MCPH1: variants seen among roughly 807,000 people sequenced by gnomAD.
The protein encoded by MCPH1 is microcephalin.
Under a neutral mutation model 84.5 loss-of-function variants are expected in MCPH1, and 104 were observed. That is an observed-to-expected ratio of 1.23 (90% CI 1.05 to 1.45). The LOEUF (loss-of-function observed/expected upper bound fraction) is 1.45. Ranked by LOEUF, MCPH1 falls within the 40% of genes most tolerant of loss-of-function variation. MCPH1 has a pLI of 0.00. For missense variants in MCPH1, 1,498 were observed against 1,005.7 expected (o/e 1.49, Z -6.62); for synonymous variants, 514 against 366.8 (o/e 1.40, Z -4.58).
At chr8:6,432,393 C>G (rs1477277427) in intron 4 of MCPH1, among the ~76,000 whole-genome samples, 3 of 151,972 alleles carry the variant, frequency 2.0e-5, no homozygotes, top group South Asian at 2.1e-4. Flanking sequence ...TTGAATATTT[C>G]CAATCGCGAC....
rs1255248211 is a variant in MCPH1 at position 6,648,098 on chromosome 8, G to C, written c.*5049G>C. The C allele has an allele frequency of 6.6e-6, 1 of 152,134 alleles. No homozygotes were observed. Among genetic ancestry groups the C allele is most frequent in the Admixed American group, 6.5e-5 (1 of 15,274 alleles). 9.4% of individuals were successfully genotyped at this position (152,134 alleles called of 1,614,324 possible). On this transcript the variant is annotated 3_prime_UTR_variant, in exon 14 of 14. Transcript: ENST00000344683. ...GGTCGGCCTTGGCTTTCAAGTTAAG[G>C]CCATGGTCTTTCTCTGCAGTCCCCA...
intron 11 of MCPH1, among the ~76,000 whole-genome samples, chr8:6,482,499 G>A (rs377502163): frequency 5.9e-5 from 9 of 152,284 alleles, no homozygotes; most frequent in South Asian, 4.1e-4. Context: ...AATTCAAATC[G>A]TCTCTGTGTC....
chr8:6,450,585 T>C (rs901819265), intron 8 of MCPH1, among the ~76,000 whole-genome samples: 2 of 151,188 alleles, frequency 1.3e-5, no homozygotes, highest in African/African-American at 4.9e-5. Flanking sequence ...TCAGTGTTCT[T>C]GAATCCATGA....
intron 12 of MCPH1, among the ~76,000 whole-genome samples, chr8:6,541,257 G>A (rs1372208298): frequency 2.0e-5 from 3 of 152,154 alleles, no homozygotes; most frequent in Non-Finnish European, 4.4e-5. Context: ...CTTTAATGAA[G>A]GAGAAAAATG....
At chr8:6,431,667 C>A (rs1426755825) in intron 4 of MCPH1, 81 bp downstream of exon 4, 2 of 945,252 alleles carry the variant, frequency 2.1e-6, no homozygotes. Flanking sequence ...AATAAAACTT[C>A]TAGAAATATA....
chr8:6,524,454 G>A (rs1817960095), intron 12 of MCPH1, among the ~76,000 whole-genome samples: 1 of 152,206 alleles, frequency 6.6e-6, no homozygotes, highest in Admixed American at 6.5e-5. Flanking sequence ...ACTGCTGTGA[G>A]TTATCTGAAG....
At chr8:6,613,932 TG>T (rs1462222032) in intron 12 of MCPH1, among the ~76,000 whole-genome samples, 1 of 152,136 alleles carries the variant, frequency 6.6e-6, no homozygotes, top group Non-Finnish European at 1.5e-5. Context: ...TTTACTTTAA[TG>T]GGATTGAAGT....
In MCPH1 at chr8:6,625,635, T is replaced by C. The variant is rs7826403; in HGVS notation, c.2452+3944T>C. ...CTTTGTAAGGTAGGGTCCCTGAGCGTCTTAGAGTAATTTGAGCCGGGCGTG... is the reference window on the plus strand; with the variant it reads ...CTTTGTAAGGTAGGGTCCCTGAGCGCCTTAGAGTAATTTGAGCCGGGCGTG... On this transcript the variant is annotated intron_variant, in intron 13 of 13. Transcript: ENST00000344683. The C allele has an allele frequency of 2.9e-3, 2,842 of 985,324 alleles. 47 individuals are homozygous for C. The African/African-American group carries it at 0.041, about 14-fold the overall frequency. The allele number at this position is 985,324 out of a possible 1,614,324, so 61.0% of individuals were successfully genotyped here.
chr8:6,447,505 T>C, intron 8 of MCPH1: 2 of 759,734 alleles, frequency 2.6e-6, no homozygotes, highest in South Asian at 5.9e-5. Flanking sequence ...AATACGCTGA[T>C]AGAACGGGAA....
intron 12 of MCPH1, among the ~76,000 whole-genome samples, chr8:6,512,790 A>T (rs1324365424): frequency 6.6e-6 from 1 of 152,190 alleles, no homozygotes; most frequent in Non-Finnish European, 1.5e-5. Context: ...ATTACTTATG[A>T]TTATTGCTAC....
intron 12 of MCPH1, among the ~76,000 whole-genome samples, chr8:6,611,022 G>A (rs186125841): frequency 2.4e-4 from 36 of 152,118 alleles, no homozygotes; most frequent in African/African-American, 8.4e-4. Flanking sequence ...CAAGCTGCAG[G>A]CAGAACTGTT....
intron 3 of MCPH1, among the ~76,000 whole-genome samples, chr8:6,426,369 G>A (rs1017921150): frequency 1.3e-5 from 2 of 152,140 alleles, no homozygotes; most frequent in African/African-American, 4.8e-5. Flanking sequence ...CCACCCCAGG[G>A]CAGCCACAGA....
chr8:6,506,160 G>A lies in MCPH1; in HGVS notation c.2214+6231G>A, dbSNP rs191175391. On this transcript the variant is annotated intron_variant, in intron 12 of 13. Coordinates refer to ENST00000344683, the MANE Select transcript of MCPH1 (RefSeq NM_024596.5). ...TGATTCAGGTGAATGCAGATTGGAC[G>A]GAAGTTTGCGTGTTCTATTCAGAAT... is the stretch of plus-strand genomic sequence containing the variant. Among the ~76,000 whole-genome samples, 82 of 151,486 alleles carry A rather than the reference G, an allele frequency of 5.4e-4. 1 individual carries two copies. The highest frequency in any genetic ancestry group is 1.9e-3 in the Admixed American group (29 of 15,198).
intron 12 of MCPH1, among the ~76,000 whole-genome samples, chr8:6,512,321 C>T (rs972282410): frequency 2.0e-5 from 3 of 152,158 alleles, no homozygotes; most frequent in African/African-American, 7.2e-5. Context: ...CCTGGGCAGC[C>T]TGCTCAAGGA....
intron 4 of MCPH1, among the ~76,000 whole-genome samples, chr8:6,433,947 C>G (rs908407525): frequency 6.6e-6 from 1 of 152,090 alleles, no homozygotes; most frequent in Non-Finnish European, 1.5e-5. Flanking sequence ...TATTTCAGAG[C>G]CATTGCGTTA....
chr8:6,426,212 A>C (rs1801036562), intron 3 of MCPH1, among the ~76,000 whole-genome samples: 1 of 152,328 alleles, frequency 6.6e-6, no homozygotes, highest in Non-Finnish European at 1.5e-5. Flanking sequence ...AAACATTTAC[A>C]TAAAATAAAA....
rs2129555592 is a variant in MCPH1, at chr8:6,444,418, C to G, written c.696C>G (p.His232Gln). Residue 232 changes from histidine to glutamine, a missense_variant, in exon 8 of 14, where the codon CAC (histidine) becomes CAG (glutamine). Coordinates refer to ENST00000344683, the MANE Select transcript of MCPH1 (RefSeq NM_024596.5). Reference protein sequence around the residue: ...CSDEYFAGGLHSSFDDLCGNS... With the variant: ...CSDEYFAGGLQSSFDDLCGNS... ...ATGAATACTTTGCTGGTGGCTTACA[C>G]TCATCTTTTGATGATCTTTGTGGAA... 6.2e-7 allele frequency: 1 copy of G among 1,614,168 alleles called. No individual in the cohort carries two copies.
intron 13 of MCPH1, among the ~76,000 whole-genome samples, chr8:6,630,326 C>T (rs908820102): frequency 6.6e-6 from 1 of 152,020 alleles, no homozygotes; most frequent in Non-Finnish European, 1.5e-5. Context: ...CTGCAGTTAT[C>T]GTAAGGATAT....
Position 6,425,139 on chromosome 8 carries a change from G to A in MCPH1, c.234-6360G>A, listed in dbSNP as rs528450923. On this transcript the variant is annotated intron_variant, in intron 3 of 13. Transcript: ENST00000344683. ...GGTGTACTGTGGGAAGTGCTGGAGT[G>A]AATCGGCTCTCTGGGGAGAATAAGC... 2.0e-3 allele frequency among the ~76,000 whole-genome samples: 300 copies of A among 152,326 alleles called. 1 individual carries two copies. Among genetic ancestry groups the A allele is most frequent in the Middle Eastern group, 3.4e-3 (1 of 294 alleles).
Sources: gnomAD v4.1 joint callset for allele counts (sites outside exome capture counted in the v4.1 genomes callset) on GRCh38, gnomAD v4.1.1 for gene constraint, MANE v1.5 for transcripts, NCBI Gene and HGNC (gene_info 2026-07-23, HGNC 2026-07-21) for gene names.